Variants in CLXN observed in about 807,000 individuals in gnomAD.
The protein encoded by CLXN is calaxin.
At chr8:48,717,035 C>G in the CLXN span, among the ~76,000 whole-genome samples, 2 of 152,050 alleles carry the variant, frequency 1.3e-5, no homozygotes, top group Non-Finnish European at 2.9e-5. Context: ...CATGGTGGCA[C>G]GTGCCTGTAA....
chr8:48,717,717 TG>T, the CLXN span, among the ~76,000 whole-genome samples: 3 of 152,146 alleles, frequency 2.0e-5, no homozygotes, highest in African/African-American at 7.2e-5. Flanking sequence ...AGACACACAA[TG>T]TACAAAGAAG....
At chr8:48,728,953 T>C in the CLXN span, 1 of 819,866 alleles carries the variant, frequency 1.2e-6, no homozygotes, top group Non-Finnish European at 1.9e-6. Context: ...TGGACAGGAT[T>C]TGTCTGATCC....
At chr8:48,713,339 C>T in the CLXN span, among the ~76,000 whole-genome samples, 4 of 152,250 alleles carry the variant, frequency 2.6e-5, no homozygotes, top group South Asian at 4.1e-4. Flanking sequence ...TCCCAATCCT[C>T]CCTTGGTTGC....
At chr8:48,712,899 C>G in the CLXN span, among the ~76,000 whole-genome samples, 1 of 150,078 alleles carries the variant, frequency 6.7e-6, no homozygotes, top group East Asian at 2.0e-4. Context: ...ACTCAGAAGG[C>G]TGAGGCAGGA....
chr8:48,724,815 T>C, the CLXN span: 4 of 1,608,038 alleles, frequency 2.5e-6, no homozygotes, highest in Non-Finnish European at 2.5e-6. Flanking sequence ...TAAAAAAAGG[T>C]ACTCAATTTA....
chr8:48,720,836 T>A, the CLXN span, among the ~76,000 whole-genome samples: 34 of 152,322 alleles, frequency 2.2e-4, no homozygotes, highest in East Asian at 1.7e-3. Flanking sequence ...CCTACCAATA[T>A]GTGATGTCAC....
the CLXN span, chr8:48,723,542 T>G: frequency 6.6e-6 from 1 of 152,168 alleles, no homozygotes; most frequent in Admixed American, 6.5e-5. Flanking sequence ...CTCTCAGTAT[T>G]TAGATGAGGA....
chr8:48,734,806 A>T, the CLXN span: 10 of 404,478 alleles, frequency 2.5e-5, no homozygotes, highest in Non-Finnish European at 4.4e-5. Flanking sequence ...CTAACATCAC[A>T]TGTTTCTATC....
chr8:48,724,775 T>C, the CLXN span: 18 of 1,612,126 alleles, frequency 1.1e-5, no homozygotes, highest in Admixed American at 1.5e-4. Flanking sequence ...GATCTTTGAA[T>C]ACTTGAGCTT....
the CLXN span, among the ~76,000 whole-genome samples, chr8:48,731,696 A>G: frequency 9.3e-5 from 6 of 64,782 alleles, no homozygotes; most frequent in African/African-American, 3.8e-4. Context: ...CCCTCCAAAC[A>G]GGAATTCCCA....
At chr8:48,730,609 C>A in the CLXN span, 4 of 1,611,696 alleles carry the variant, frequency 2.5e-6, no homozygotes, top group Middle Eastern at 1.7e-4. Context: ...AATACATTTA[C>A]ACAGCCATCA....
chr8:48,725,953 G>C, the CLXN span, among the ~76,000 whole-genome samples: 1 of 151,930 alleles, frequency 6.6e-6, no homozygotes, highest in Non-Finnish European at 1.5e-5. Context: ...GAGATCCAGA[G>C]CTCCCCATCA....
At chr8:48,729,497 T>C in the CLXN span, among the ~76,000 whole-genome samples, 11 of 151,144 alleles carry the variant, frequency 7.3e-5, no homozygotes, top group African/African-American at 2.7e-4. Flanking sequence ...CACTCTAGTC[T>C]GGGAGACAGA....
the CLXN span, chr8:48,729,045 T>C: frequency 2.5e-6 from 4 of 1,607,732 alleles, no homozygotes; most frequent in African/African-American, 5.4e-5. Context: ...TCAATACCTT[T>C]GGATCAGGAA....
the CLXN span, among the ~76,000 whole-genome samples, chr8:48,718,112 A>G: frequency 6.6e-6 from 1 of 152,166 alleles, no homozygotes; most frequent in Non-Finnish European, 1.5e-5. Context: ...TTAAAGGCAC[A>G]TATAGGAGGA....
chr8:48,728,352 C>G, the CLXN span, among the ~76,000 whole-genome samples: 2 of 152,174 alleles, frequency 1.3e-5, no homozygotes, highest in African/African-American at 4.8e-5. Flanking sequence ...TTTTCCCCAT[C>G]TGACCTGGCT....
At chr8:48,735,123 G>C in the CLXN span, 8 of 1,614,144 alleles carry the variant, frequency 5.0e-6, no homozygotes, top group Non-Finnish European at 5.9e-6. Flanking sequence ...TAAGGTGTCC[G>C]TCAGCTTCTG....
At chr8:48,730,932 T>C in the CLXN span, among the ~76,000 whole-genome samples, 57 of 152,228 alleles carry the variant, frequency 3.7e-4, no homozygotes, top group Admixed American at 1.3e-4. Flanking sequence ...GTTGGTCATA[T>C]TAGATAAATA....
At chr8:48,713,120 G>C in the CLXN span, among the ~76,000 whole-genome samples, 4 of 152,014 alleles carry the variant, frequency 2.6e-5, no homozygotes, top group Non-Finnish European at 4.4e-5. Context: ...TGGCAACTTA[G>C]ACTGGAAAAC....
Sources: allele counts gnomAD v4.1 joint callset (sites outside exome capture counted in the v4.1 genomes callset), GRCh38; gene constraint gnomAD v4.1.1; transcripts MANE v1.5; gene names NCBI Gene and HGNC (gene_info 2026-07-23, HGNC 2026-07-21).